The following NEUROD1 variants were observed in gnomAD, a reference collection of about 807,000 sequenced individuals.
NEUROD1 encodes the protein neuronal differentiation 1.
Under a neutral mutation model 21.8 loss-of-function variants are expected in NEUROD1, and 9 were observed. That is an observed-to-expected ratio of 0.41 (90% CI 0.25 to 0.72). The LOEUF (loss-of-function observed/expected upper bound fraction) is 0.72. Ranked by LOEUF, NEUROD1 falls within the 30% of genes least tolerant of loss-of-function variation. NEUROD1 has a pLI of 0.31. For missense variants in NEUROD1, 434 were observed against 468.8 expected (o/e 0.93, Z 0.69); for synonymous variants, 199 against 186.2 (o/e 1.07, Z -0.56).
downstream of NEUROD1, among the ~76,000 whole-genome samples, chr2:181,675,346 C>A (rs140313091): frequency 2.9e-3 from 448 of 152,288 alleles, 3 homozygotes; most frequent in African/African-American, 0.01. Flanking sequence ...GCCTCATTGG[C>A]AATGTTATTA....
chr2:181,671,910 G>A (rs1190996141), downstream of NEUROD1, among the ~76,000 whole-genome samples: 1 of 152,054 alleles, frequency 6.6e-6, no homozygotes, highest in African/African-American at 2.4e-5. Context: ...CAAAAGTGAT[G>A]GTGATCTCTT....
chr2:181,680,048 C>A (rs1486961766), intron 1 of NEUROD1, among the ~76,000 whole-genome samples: 2 of 152,164 alleles, frequency 1.3e-5, no homozygotes, highest in African/African-American at 2.4e-5. Flanking sequence ...AATACATGCA[C>A]ACAAAATATA....
chr2:181,678,099 C>G lies in NEUROD1; in HGVS notation c.762G>C (p.Glu254Asp). ...CAGTCAGAGGGCTTTCAAAGAAGGG[C>G]TCCAGCGCTGCGCTGTAGGCGTGCG... ...PPPHAYSAALEPFFESPLTDC... is the reference protein window; with the variant it reads ...PPPHAYSAALDPFFESPLTDC... The change falls in exon 2 of 2, where the codon GAG becomes GAC. Residue 254 changes from glutamate (E) to aspartate (D), a missense_variant. Physicochemically the swap from Glu to Asp is conservative, Grantham distance 45. Transcript: ENST00000295108. This position sits in a 1 kb window ranked among gnomAD's most constrained non-coding sequence, Gnocchi z 5.5. 1 of 1,614,206 alleles carries G rather than the reference C, an allele frequency of 6.2e-7. No individual in the cohort carries two copies. Among genetic ancestry groups the G allele is most frequent in the Non-Finnish European group, 8.5e-7 (1 of 1,180,040 alleles).
rs1688607483 is a variant in NEUROD1 at position 181,677,766 on chromosome 2, G to A, written c.*24C>T. The A allele has an allele frequency of 2.5e-6, 4 of 1,614,002 alleles. No individual in the cohort carries two copies. The highest frequency in any genetic ancestry group is 2.2e-5 in the South Asian group (2 of 91,044). On this transcript the variant is annotated 3_prime_UTR_variant, in exon 2 of 2. Coordinates refer to ENST00000295108, the MANE Select transcript of NEUROD1 (RefSeq NM_002500.5). ...TGTAAGCACAGTGGGTTCGTTTCCC[G>A]GAAATGGTGAAACTGGCGTGCCTCT...
downstream of NEUROD1, among the ~76,000 whole-genome samples, chr2:181,671,586 A>G (rs540607896): frequency 3.6e-4 from 55 of 151,934 alleles, no homozygotes; most frequent in Non-Finnish European, 6.5e-4. Flanking sequence ...GCATGCCATC[A>G]TGCACCACTA....
downstream of NEUROD1, among the ~76,000 whole-genome samples, chr2:181,672,571 T>C (rs1688512923): frequency 1.3e-5 from 2 of 152,156 alleles, no homozygotes; most frequent in African/African-American, 4.8e-5. Flanking sequence ...TAAGATAACA[T>C]TTGATAGGCA....
chr2:181,675,073 A>G, downstream of NEUROD1, among the ~76,000 whole-genome samples: 1 of 152,230 alleles, frequency 6.6e-6, no homozygotes, highest in East Asian at 1.9e-4. Flanking sequence ...TTCAAGTATC[A>G]TATCAGTATT....
At position 181,676,566 on chromosome 2, in the gene NEUROD1, G is replaced by GATTCC. The variant is rs1341250237; in HGVS notation, c.*1219_*1223dup. 3 of 152,700 alleles carry GATTCC rather than the reference G, an allele frequency of 2.0e-5. No individual in the cohort carries two copies. Among genetic ancestry groups the GATTCC allele is most frequent in the African/African-American group, 7.2e-5 (3 of 41,556 alleles). 9.5% of individuals were successfully genotyped at this position (152,700 alleles called of 1,614,324 possible). On this transcript the variant is annotated 3_prime_UTR_variant, in exon 2 of 2. Transcript: ENST00000295108. ...TACAAACAAAATTACAGTACAGATCGATTCCAGTGGTACCAGCATCACATC... is the reference window on the plus strand; with the variant it reads ...TACAAACAAAATTACAGTACAGATCGATTCCATTCCAGTGGTACCAGCATCACATC...
downstream of NEUROD1, among the ~76,000 whole-genome samples, chr2:181,674,858 C>T (rs770486056): frequency 2.4e-4 from 36 of 151,572 alleles, no homozygotes; most frequent in Non-Finnish European, 4.1e-4. Flanking sequence ...TACAAAAGAA[C>T]ACAGTCTAGA....
chr2:181,670,473 C>T (rs768364887), exon 2 of NEUROD1, among the ~76,000 whole-genome samples: 3 of 152,174 alleles, frequency 2.0e-5, no homozygotes, highest in Non-Finnish European at 2.9e-5. Flanking sequence ...TAAATGAACT[C>T]TCCTATACTT....
At chr2:181,671,551 C>G (rs932491681), downstream of NEUROD1, among the ~76,000 whole-genome samples, 1 of 151,982 alleles carries the variant, frequency 6.6e-6, no homozygotes, top group East Asian at 1.9e-4. Context: ...CCACCTGAGC[C>G]TCCCGAGTAG....
downstream of NEUROD1, chr2:181,673,405 T>A (rs1176027666): frequency 6.6e-6 from 1 of 152,264 alleles, no homozygotes; most frequent in Non-Finnish European, 1.5e-5. Flanking sequence ...ACATAATGCC[T>A]GGCCAGGAGC....
downstream of NEUROD1, among the ~76,000 whole-genome samples, chr2:181,674,280 C>G (rs1688534625): frequency 2.0e-5 from 3 of 152,110 alleles, no homozygotes; most frequent in African/African-American, 7.2e-5. Flanking sequence ...AGATAGAATC[C>G]CAAATATTAT....
chr2:181,677,135 T>TTTTTTTTTTTTA lies in NEUROD1; in HGVS notation c.*643_*654dup, dbSNP rs1688593191. ...CAATTTTTTTTTTTTTTTTTTTTTTTTTTTTTTTTTTACAATTGGAGAGGA... is the reference window on the plus strand; with the variant it reads ...CAATTTTTTTTTTTTTTTTTTTTTTTTTTTTTTTTTTATTTTTTTTTTTACAATTGGAGAGGA... On this transcript the variant is annotated 3_prime_UTR_variant, in exon 2 of 2. Transcript: ENST00000295108. The TTTTTTTTTTTTA allele has an allele frequency of 1.4e-5, 2 of 143,702 alleles. 1 individual carries two copies. The highest frequency in any genetic ancestry group is 3.1e-5 in the Non-Finnish European group (2 of 65,548). The allele number at this position is 143,702 out of a possible 1,614,324, so 8.9% of individuals were successfully genotyped here. A position where few individuals can be genotyped will look rare whatever the true frequency, so the allele number is the denominator to read the frequency against.
downstream of NEUROD1, among the ~76,000 whole-genome samples, chr2:181,671,528 TCA>T (rs1190159227): frequency 6.6e-6 from 1 of 151,696 alleles, no homozygotes; most frequent in African/African-American, 2.4e-5. Flanking sequence ...CTCCCCAGGC[TCA>T]GGTGATCCTC....
Position 181,678,207 on chromosome 2 carries a change from G to A in NEUROD1, c.654C>T (p.Pro218=), listed in dbSNP as rs1207039516. 6.2e-7 allele frequency: 1 copy of A among 1,614,200 alleles called. No individual in the cohort carries two copies. Among genetic ancestry groups the A allele is most frequent in the Non-Finnish European group, 8.5e-7 (1 of 1,180,038 alleles). ...PTASASFPVH[P]YSYQSPGLPS... ...GCAGCCCAGGCGACTGGTAGGAGTA[G>A]GGGTGTACAGGGAAGGAAGCGCTGG... is the stretch of plus-strand genomic sequence containing the variant. The change falls in exon 2 of 2, where the codon CCC becomes CCT. Residue 218 remains proline, a synonymous_variant. Coordinates refer to ENST00000295108, the MANE Select transcript of NEUROD1 (RefSeq NM_002500.5). The surrounding 1 kb of genome is among the most constrained non-coding windows in gnomAD (Gnocchi z 5.5).
At chr2:181,680,104 G>C (rs1467495714) in intron 1 of NEUROD1, among the ~76,000 whole-genome samples, 1 of 152,152 alleles carries the variant, frequency 6.6e-6, no homozygotes, top group Admixed American at 6.5e-5. Context: ...AAGTGAGAAA[G>C]TGAAGTCATT....
chr2:181,676,826 T>G lies in NEUROD1; in HGVS notation c.*964A>C, dbSNP rs1352128825. ...CATTTATATTTTCTGGAAACATCAATAGCTTCAGATTCTCTGTAAAATCAT... is the reference window on the plus strand; with the variant it reads ...CATTTATATTTTCTGGAAACATCAAGAGCTTCAGATTCTCTGTAAAATCAT... On this transcript the variant is annotated 3_prime_UTR_variant, in exon 2 of 2. Transcript: ENST00000295108. The G allele has an allele frequency of 3.9e-5, 6 of 152,602 alleles. No individual in the cohort carries two copies. Among genetic ancestry groups the G allele is most frequent in the African/African-American group, 1.4e-4 (6 of 41,462 alleles). The allele number at this position is 152,602 out of a possible 1,614,324, so 9.5% of individuals were successfully genotyped here.
Position 181,676,720 on chromosome 2 carries a change from C to A in NEUROD1, c.*1070G>T, listed in dbSNP as rs1403542091. The A allele has an allele frequency of 6.6e-6, 1 of 152,594 alleles. No homozygotes were observed. Among genetic ancestry groups the A allele is most frequent in the African/African-American group, 2.4e-5 (1 of 41,450 alleles). The allele number at this position is 152,594 out of a possible 1,614,324, so 9.5% of individuals were successfully genotyped here. A position where few individuals can be genotyped will look rare whatever the true frequency, so the allele number is the denominator to read the frequency against. On this transcript the variant is annotated 3_prime_UTR_variant, in exon 2 of 2. Transcript: ENST00000295108. ...CTATAGATATAAATCCCAACATTAA[C>A]AACCTGATTAGATTTAGGCTCAGAT...
Sources: allele counts gnomAD v4.1 joint callset (sites outside exome capture counted in the v4.1 genomes callset), GRCh38; gene constraint gnomAD v4.1.1; non-coding constraint Gnocchi (gnomAD v3.1); transcripts MANE v1.5; gene names NCBI Gene and HGNC (gene_info 2026-07-23, HGNC 2026-07-21).